Variants in WDR75 observed in about 807,000 individuals in gnomAD.
WDR75 encodes the protein WD repeat-containing protein 75.
A neutral mutation model predicts 106.1 loss-of-function variants in WDR75; 52 were observed. The observed-to-expected ratio is 0.49, with a 90% confidence interval of 0.39 to 0.62. WDR75 has a LOEUF of 0.62. Among genes scored for constraint, WDR75 ranks in the 20% least tolerant of loss-of-function variants. The probability of loss-of-function intolerance (pLI) is 0.00; values close to 1 mark genes in which losing one functional copy is unlikely to be tolerated. For synonymous variants in WDR75, 333 were observed against 335.5 expected (o/e 0.99, Z 0.08); for missense variants, 905 against 970.3 (o/e 0.93, Z 0.89).
chr2:189,470,061 G>C lies in WDR75; in HGVS notation c.1820-15G>C. The C allele has an allele frequency of 6.2e-7, 1 of 1,605,948 alleles. No homozygotes were observed. On this transcript the variant is annotated splice_polypyrimidine_tract_variant and intron_variant, in intron 16 of 20. Coordinates refer to ENST00000314761, the MANE Select transcript of WDR75 (RefSeq NM_032168.3). ...TCAGGCAAAATGTTATTGTTTCTTTGTTTTTTCCCTCTAGTGTTTGTATTT... is the reference window on the plus strand; with the variant it reads ...TCAGGCAAAATGTTATTGTTTCTTTCTTTTTTCCCTCTAGTGTTTGTATTT...
chr2:189,458,877 G>T lies in WDR75; in HGVS notation c.689+5G>T. On this transcript the variant is annotated splice_donor_5th_base_variant and intron_variant, in intron 7 of 20. Coordinates refer to ENST00000314761, the MANE Select transcript of WDR75 (RefSeq NM_032168.3). ...GGATGGCAAAATTCGTCTTTGGTCA[G>T]TTTGCTCATGAAGAGCATGGCGATC... The T allele has an allele frequency of 6.3e-7, 1 of 1,598,842 alleles. No homozygotes were observed. The highest frequency in any genetic ancestry group is 8.5e-7 in the Non-Finnish European group (1 of 1,173,886).
rs116269719 is a variant in WDR75 at position 189,463,762 on chromosome 2, G to C, written c.997+9G>C. On this transcript the variant is annotated intron_variant, in intron 10 of 20. Coordinates refer to ENST00000314761, the MANE Select transcript of WDR75 (RefSeq NM_032168.3). Reference sequence around the variant, plus strand: ...TCAAGGCCTAGTGAAAGGTATTGCAGAACTCAGTGGATTTGGAATCATGAA... The same window carrying C: ...TCAAGGCCTAGTGAAAGGTATTGCACAACTCAGTGGATTTGGAATCATGAA... The C allele has an allele frequency of 7.4e-4, 1,193 of 1,613,718 alleles. 13 individuals carry two copies. The African/African-American group carries it at 0.014, about 19-fold the overall frequency.
intron 2 of WDR75, chr2:189,449,786 A>T (rs1243420580): frequency 2.0e-6 from 2 of 984,174 alleles, no homozygotes; most frequent in East Asian, 1.1e-4. Context: ...TAGTTTGTAT[A>T]ATTTTTTGAC....
At chr2:189,448,143 T>G (rs1301820482) in intron 1 of WDR75, among the ~76,000 whole-genome samples, 1 of 152,172 alleles carries the variant, frequency 6.6e-6, no homozygotes. Flanking sequence ...TCCATTAAAT[T>G]TCTTTCCTTT....
At chr2:189,441,648 A>AT (rs1183752034) in intron 1 of WDR75, 70 bp downstream of exon 1, 3 of 1,512,474 alleles carry the variant, frequency 2.0e-6, no homozygotes, top group African/African-American at 2.8e-5. Context: ...GGGAGAAGGA[A>AT]TTGTCAGTCG....
chr2:189,455,189 C>T (rs1456879258), intron 4 of WDR75, 131 bp from the exon 5 acceptor site: 52 of 1,081,754 alleles, frequency 4.8e-5, no homozygotes, highest in Non-Finnish European at 6.0e-5. Context: ...TGCAGTGAGC[C>T]GAGATCACGC....
intron 19 of WDR75, 119 bp downstream of exon 19, chr2:189,474,451 A>G (rs1687172975): frequency 8.3e-7 from 1 of 1,208,856 alleles, no homozygotes; most frequent in Non-Finnish European, 1.2e-6. Flanking sequence ...CCCAAACTAA[A>G]TAACTAACAA....
At position 189,450,885 on chromosome 2, in the gene WDR75, ATTG is replaced by A; in HGVS notation, c.217-15_217-13del. The stretch of plus-strand genomic sequence containing the variant: ...TTTCTTTTTTTTAAATCAATTTTGT[ATTG>A]TTTTACCCTTTTAGCTGTATTCTTG... On this transcript the variant is annotated splice_polypyrimidine_tract_variant and intron_variant, in intron 2 of 20. Coordinates refer to ENST00000314761, the MANE Select transcript of WDR75 (RefSeq NM_032168.3). 6.3e-7 allele frequency: 1 copy of A among 1,598,844 alleles called. No individual in the cohort carries two copies. Among genetic ancestry groups the A allele is most frequent in the African/African-American group, 1.4e-5 (1 of 73,998 alleles).
intron 17 of WDR75, 152 bp downstream of exon 17, chr2:189,470,397 A>T (rs766431342): frequency 7.7e-6 from 6 of 775,994 alleles, no homozygotes; most frequent in Non-Finnish European, 1.2e-5. Context: ...GTACAGCAGC[A>T]TTATTAATGT....
intron 2 of WDR75, chr2:189,449,321 A>G: frequency 7.7e-7 from 1 of 1,301,842 alleles, no homozygotes; most frequent in Non-Finnish European, 1.0e-6. Context: ...GAAATAAAGT[A>G]GCACCGATCT....
At position 189,448,175 on chromosome 2, in the gene WDR75, G is replaced by T. The variant is rs140907884; in HGVS notation, c.87-204G>T. On this transcript the variant is annotated intron_variant, in intron 1 of 20. Transcript: ENST00000314761. ...CTTTATAAATTTGAAGAGGGAGATG[G>T]TAAGGTTTTGAATGAGATATGTAAA... 5.1e-3 allele frequency among the ~76,000 whole-genome samples: 776 copies of T among 152,256 alleles called. 7 individuals carry two copies. Among genetic ancestry groups the T allele is most frequent in the South Asian group, 8.7e-3 (42 of 4,818 alleles).
intron 18 of WDR75, among the ~76,000 whole-genome samples, chr2:189,471,155 AAAGAC>A (rs1212280763): frequency 6.6e-6 from 1 of 152,190 alleles, no homozygotes; most frequent in East Asian, 1.9e-4. Flanking sequence ...CATTACCCAC[AAAGAC>A]AATCACTCTC....
intron 7 of WDR75, 49 bp downstream of exon 7, chr2:189,458,921 G>A (rs377699083): frequency 1.8e-5 from 28 of 1,549,628 alleles, no homozygotes; most frequent in East Asian, 1.2e-4. Context: ...ACTATTTTAC[G>A]TTAGTCCTGT....
In WDR75 at chr2:189,471,948, A is replaced by G. The variant is rs76447565; in HGVS notation, c.2049+1070A>G. Among the ~76,000 whole-genome samples, 47 of 152,322 alleles carry G rather than the reference A, an allele frequency of 3.1e-4. 1 individual carries two copies. In the East Asian group the frequency reaches 8.9e-3, roughly 29 times the overall value. On this transcript the variant is annotated intron_variant, in intron 18 of 20. Transcript: ENST00000314761. Reference sequence around the variant, plus strand: ...CGCAGAACTTTGACATTATTGTCCTATTATTTTATAATTTCCATTATTACT... The same window carrying G: ...CGCAGAACTTTGACATTATTGTCCTGTTATTTTATAATTTCCATTATTACT...
At chr2:189,463,015 C>T (rs951574680) in intron 9 of WDR75, among the ~76,000 whole-genome samples, 3 of 152,106 alleles carry the variant, frequency 2.0e-5, no homozygotes, top group East Asian at 1.9e-4. Context: ...TCTTTTGATA[C>T]AGCTGTTACC....
Position 189,463,909 on chromosome 2 carries a change from A to T in WDR75, c.1061A>T (p.Lys354Ile), listed in dbSNP as rs371057931. 9.9e-6 allele frequency: 16 copies of T among 1,613,926 alleles called. No individual in the cohort carries two copies. In the African/African-American group the frequency reaches 1.7e-4, roughly 17 times the overall value. Residue 354 changes from lysine to isoleucine, a missense_variant, in exon 11 of 21, where the codon AAA becomes ATA. Coordinates refer to ENST00000314761, the MANE Select transcript of WDR75 (RefSeq NM_032168.3). ...ACTAAAGCTTTGGTTTTGAATGGAA[A>T]ACCTGGCCACCTGCAGTTTTATTCT... ...PRTKALVLNG[K>I]PGHLQFYSLQ...
At chr2:189,466,773 G>A (rs1687010363) in intron 13 of WDR75, among the ~76,000 whole-genome samples, 191 bp downstream of exon 13, 1 of 151,970 alleles carries the variant, frequency 6.6e-6, no homozygotes, top group Non-Finnish European at 1.5e-5. Flanking sequence ...CTTTTTAAAT[G>A]GCATTCTTGA....
In WDR75 at chr2:189,474,612, C is replaced by T. The variant is rs1003138630; in HGVS notation, c.2197-105C>T. Reference sequence around the variant, plus strand: ...ATAGGGAAAGCCTTTTCATGTTTCACTCTTGGCATTTACAATAAAAGGGAC... The same window carrying T: ...ATAGGGAAAGCCTTTTCATGTTTCATTCTTGGCATTTACAATAAAAGGGAC... On this transcript the variant is annotated intron_variant, in intron 19 of 20. Coordinates refer to ENST00000314761, the MANE Select transcript of WDR75 (RefSeq NM_032168.3). The T allele has an allele frequency of 2.3e-4, 233 of 1,024,554 alleles. 2 individuals are homozygous for T. Among genetic ancestry groups the T allele is most frequent in the Non-Finnish European group, 2.8e-4 (191 of 683,766 alleles). 63.5% of individuals were successfully genotyped at this position (1,024,554 alleles called of 1,614,324 possible).
At chr2:189,473,390 C>T (rs1199292190) in intron 18 of WDR75, among the ~76,000 whole-genome samples, 1 of 152,140 alleles carries the variant, frequency 6.6e-6, no homozygotes, top group Non-Finnish European at 1.5e-5. Context: ...ACGTGTTATT[C>T]GAACCCTTGT....
Sources: allele counts gnomAD v4.1 joint callset (sites outside exome capture counted in the v4.1 genomes callset), GRCh38; gene constraint gnomAD v4.1.1; transcripts MANE v1.5; gene names NCBI Gene and HGNC (gene_info 2026-07-23, HGNC 2026-07-21).